RBM5: variants seen among roughly 807,000 people sequenced by gnomAD.
RBM5 encodes the protein RNA binding motif protein 5, also known as RNA-binding protein 5.
In RBM5, 15 loss-of-function variants were observed where a neutral mutation model predicts 124.6. The ratio of observed to expected loss-of-function variants is 0.12; its 90% CI spans 0.08 to 0.19. The LOEUF (loss-of-function observed/expected upper bound fraction) is 0.19. Ranked by LOEUF, RBM5 falls within the 10% of genes least tolerant of loss-of-function variation. The pLI is 1.00. For synonymous variants in RBM5, 337 were observed against 361.2 expected (o/e 0.93, Z 0.76); for missense variants, 580 against 1,026.5 (o/e 0.57, Z 5.94).
At chr3:50,106,286 G>A (rs558129858) in intron 10 of RBM5, among the ~76,000 whole-genome samples, 24 of 151,894 alleles carry the variant, frequency 1.6e-4, no homozygotes, top group South Asian at 1.0e-3. Flanking sequence ...GATTACAGGC[G>A]CTCACCACCA....
Position 50,100,424 on chromosome 3 carries a change from C to T in RBM5, c.410-108C>T, listed in dbSNP as rs1442361264. On this transcript the variant is annotated intron_variant, in intron 5 of 24. Transcript: ENST00000347869. The surrounding 1 kb of genome is among the most constrained non-coding windows in gnomAD (Gnocchi z 5.1). The stretch of plus-strand genomic sequence containing the variant: ...TCAAGTCACATTTGTAAAGCTGCTT[C>T]CCAATTGGCTTTGTCACGCAGTGTT... 1.1e-6 allele frequency: 1 copy of T among 907,902 alleles called. No homozygotes were observed. Among genetic ancestry groups the T allele is most frequent in the Non-Finnish European group, 1.7e-6 (1 of 577,166 alleles). The allele number at this position is 907,902 out of a possible 1,614,324, so 56.2% of individuals were successfully genotyped here. A position where few individuals can be genotyped will look rare whatever the true frequency, so the allele number is the denominator to read the frequency against.
chr3:50,096,649 G>A (rs559661405), intron 4 of RBM5, among the ~76,000 whole-genome samples: 2 of 133,812 alleles, frequency 1.5e-5, no homozygotes, highest in Non-Finnish European at 3.2e-5. Flanking sequence ...GAGTGCAATC[G>A]CGTGATTGTG....
In RBM5 at chr3:50,117,372, C is replaced by T. The variant is rs747382029; in HGVS notation, c.2315C>T (p.Pro772Leu). Residue 772 changes from proline to leucine, a missense_variant, in exon 24 of 25, where the codon CCC becomes CTC. Pro to Leu is a moderately conservative substitution (Grantham distance 98, BLOSUM62 -3). Around this residue, in one of 6 missense-constraint regions of RBM5, gnomAD observed 234 missense variants for 435.1 expected, o/e 0.54. Coordinates refer to ENST00000347869, the MANE Select transcript of RBM5 (RefSeq NM_005778.4). This position sits in a 1 kb window ranked among gnomAD's most constrained non-coding sequence, Gnocchi z 4.2. ...LGRKCQGITAPIEAQVRLKGA... is the reference protein window; with the variant it reads ...LGRKCQGITALIEAQVRLKGA... ...CGAAAGTGTCAAGGCATTACGGCTC[C>T]CATTGAGGTAAGCAGTGGGGTCAGG... is the stretch of plus-strand genomic sequence containing the variant. The T allele has an allele frequency of 6.2e-7, 1 of 1,613,960 alleles. No individual in the cohort carries two copies.
rs1292704951 is a variant in RBM5 at position 50,118,413 on chromosome 3, C to G, written c.2405C>G (p.Ala802Gly). ...GLSGADSYKDAVRKAMFARFT... is the reference protein window; with the variant it reads ...GLSGADSYKDGVRKAMFARFT... ...TCGGGCGCCGATTCCTACAAAGATG[C>G]TGTCCGGAAAGCCATGTTTGCCCGG... The change falls in exon 25 of 25, where the codon GCT (alanine) becomes GGT (glycine). Residue 802 changes from alanine to glycine, a missense_variant. Transcript: ENST00000347869. The G allele has an allele frequency of 6.2e-7, 1 of 1,614,112 alleles. No homozygotes were observed. Among genetic ancestry groups the G allele is most frequent in the Non-Finnish European group, 8.5e-7 (1 of 1,180,020 alleles).
In RBM5 at chr3:50,118,396, C is replaced by T. The variant is rs771261534; in HGVS notation, c.2388C>T (p.Ala796=). The change falls in exon 25 of 25, where the codon GCC becomes GCT. Residue 796 remains alanine (A), a synonymous_variant. Transcript: ENST00000347869. ...GCAGCGCATATGGTTTGTCGGGCGC[C>T]GATTCCTACAAAGATGCTGTCCGGA... The part of the protein sequence containing the change: ...AKGSAYGLSG[A]DSYKDAVRKA... 3.9e-5 allele frequency: 63 copies of T among 1,613,814 alleles called. 1 individual carries two copies. The highest frequency in any genetic ancestry group is 2.1e-4 in the African/African-American group (16 of 74,804).
chr3:50,100,123 T>C lies in RBM5; in HGVS notation c.409+72T>C. ...CCACCTCAGTCCCTAAAGAACATCCTGATTCCCCCAGTCTTCAAGCACATG... is the reference window on the plus strand; with the variant it reads ...CCACCTCAGTCCCTAAAGAACATCCCGATTCCCCCAGTCTTCAAGCACATG... On this transcript the variant is annotated intron_variant, in intron 5 of 24. Transcript: ENST00000347869. This position sits in a 1 kb window ranked among gnomAD's most constrained non-coding sequence, Gnocchi z 5.1. The C allele has an allele frequency of 8.1e-6, 11 of 1,353,088 alleles. No individual in the cohort carries two copies. Among genetic ancestry groups the C allele is most frequent in the Non-Finnish European group, 1.1e-5 (11 of 959,232 alleles). The allele number at this position is 1,353,088 out of a possible 1,614,324, so 83.8% of individuals were successfully genotyped here.
rs1236500397 is a variant in RBM5 at position 50,108,058 on chromosome 3, G to T, written c.1042-12G>T. 1.3e-6 allele frequency: 2 copies of T among 1,591,870 alleles called. No individual in the cohort carries two copies. The highest frequency in any genetic ancestry group is 1.7e-6 in the Non-Finnish European group (2 of 1,159,968). ...ACTAAGTTTGTCTTTGTCTCATTTT[G>T]ATGTTTTGTAGTCTCAAAGTGGTGA... On this transcript the variant is annotated splice_polypyrimidine_tract_variant and intron_variant, in intron 12 of 24. Transcript: ENST00000347869.
chr3:50,107,028 C>T (rs970248900), intron 11 of RBM5, 164 bp downstream of exon 11: 1 of 717,328 alleles, frequency 1.4e-6, no homozygotes, highest in Non-Finnish European at 2.5e-6. Flanking sequence ...TGATTATTCC[C>T]TACTGTCCTG....
Position 50,103,121 on chromosome 3 carries a change from T to C in RBM5, c.522T>C (p.His174=), listed in dbSNP as rs755446270. Residue 174 remains histidine, a synonymous_variant, in exon 7 of 25, where the codon CAT becomes CAC. Transcript: ENST00000347869. ...LVIQGKHIAM[H]YSNPRPKFED... Reference sequence around the variant, plus strand: ...TTCAAGGAAAGCACATTGCAATGCATTATAGCAATCCCAGACCTAAGTTTG... The same window carrying C: ...TTCAAGGAAAGCACATTGCAATGCACTATAGCAATCCCAGACCTAAGTTTG... 6.2e-7 allele frequency: 1 copy of C among 1,612,742 alleles called. No individual in the cohort carries two copies. The highest frequency in any genetic ancestry group is 8.5e-7 in the Non-Finnish European group (1 of 1,178,708).
chr3:50,092,233 C>A, intron 3 of RBM5, 25 bp downstream of exon 3: 1 of 1,605,548 alleles, frequency 6.2e-7, no homozygotes, highest in Non-Finnish European at 8.5e-7. Flanking sequence ...GCTGTATAAC[C>A]CCCCAAAACA....
rs773874578 is a variant in RBM5, at chr3:50,091,967, G to A, written c.18-76G>A. 113 of 1,445,218 alleles carry A rather than the reference G, an allele frequency of 7.8e-5. 1 individual carries two copies. The highest frequency in any genetic ancestry group is 9.9e-5 in the Non-Finnish European group (102 of 1,028,590). The allele number at this position is 1,445,218 out of a possible 1,614,324, so 89.5% of individuals were successfully genotyped here. A position where few individuals can be genotyped will look rare whatever the true frequency, so the allele number is the denominator to read the frequency against. ...TATCTTATAAACTGATCTGTGGGCC[G>A]TGTGTATTTTTAACTATGTCTTTTA... On this transcript the variant is annotated intron_variant, in intron 2 of 24. Coordinates refer to ENST00000347869, the MANE Select transcript of RBM5 (RefSeq NM_005778.4).
chr3:50,091,953 C>G, intron 2 of RBM5, 90 bp from the exon 3 acceptor site: 1 of 1,373,984 alleles, frequency 7.3e-7, no homozygotes, highest in Non-Finnish European at 1.0e-6. Context: ...ATCTTATAAA[C>G]TGATCTGTGG....
chr3:50,091,769 A>G (rs796846411), intron 2 of RBM5, among the ~76,000 whole-genome samples: 2 of 152,240 alleles, frequency 1.3e-5, no homozygotes, highest in Non-Finnish European at 2.9e-5. Flanking sequence ...ATGCAAAAAT[A>G]AACTTGGACA....
At chr3:50,089,397 C>T (rs1332626405) in intron 1 of RBM5, among the ~76,000 whole-genome samples, 1 of 152,250 alleles carries the variant, frequency 6.6e-6, no homozygotes. Context: ...CTGAATCGCC[C>T]TCTCCGAAAA....
Position 50,118,418 on chromosome 3 carries a change from C to T in RBM5, c.2410C>T (p.Arg804Trp). 4 of 1,613,952 alleles carry T rather than the reference C, an allele frequency of 2.5e-6. No individual in the cohort carries two copies. The highest frequency in any genetic ancestry group is 2.5e-6 in the Non-Finnish European group (3 of 1,180,008). ...CGCCGATTCCTACAAAGATGCTGTCCGGAAAGCCATGTTTGCCCGGTTCAC... is the reference window on the plus strand; with the variant it reads ...CGCCGATTCCTACAAAGATGCTGTCTGGAAAGCCATGTTTGCCCGGTTCAC... Reference protein sequence around the residue: ...SGADSYKDAVRKAMFARFTEM... With the variant: ...SGADSYKDAVWKAMFARFTEM... Residue 804 changes from arginine (R) to tryptophan (W), a missense_variant, in exon 25 of 25, where the codon CGG (arginine) becomes TGG (tryptophan). Arg to Trp is a moderately radical substitution (Grantham distance 101). Transcript: ENST00000347869.
chr3:50,090,550 G>T, intron 2 of RBM5, 99 bp downstream of exon 2: 2 of 1,375,346 alleles, frequency 1.5e-6, no homozygotes, highest in Non-Finnish European at 2.0e-6. Context: ...AGTGTTTTGC[G>T]CCAGGCATTG....
chr3:50,113,622 G>T, intron 18 of RBM5, 78 bp downstream of exon 18: 1 of 1,414,788 alleles, frequency 7.1e-7, no homozygotes, highest in South Asian at 1.5e-5. Context: ...ATTTATGTCA[G>T]TATTATTTGG....
In RBM5 at chr3:50,116,609, C is replaced by T. The variant is rs1575340810; in HGVS notation, c.2095-465C>T. On this transcript the variant is annotated intron_variant, in intron 22 of 24. Coordinates refer to ENST00000347869, the MANE Select transcript of RBM5 (RefSeq NM_005778.4). ...AGTTAAGGCTTTTGCTTTTCTTCTC[C>T]CCACACCCTTCCTGCCCTACTATCT... The T allele has an allele frequency of 5.7e-5, 11 of 192,968 alleles. No individual in the cohort carries two copies. The South Asian group carries it at 1.0e-3, about 18-fold the overall frequency. 12.0% of individuals were successfully genotyped at this position (192,968 alleles called of 1,614,324 possible). A position where few individuals can be genotyped will look rare whatever the true frequency, so the allele number is the denominator to read the frequency against.
Position 50,114,323 on chromosome 3 carries a change from C to T in RBM5, c.1839+72C>T, listed in dbSNP as rs1478614409. 12 of 1,435,254 alleles carry T rather than the reference C, an allele frequency of 8.4e-6. No homozygotes were observed. The East Asian group carries it at 2.5e-4, about 30-fold the overall frequency. 88.9% of individuals were successfully genotyped at this position (1,435,254 alleles called of 1,614,324 possible). On this transcript the variant is annotated intron_variant, in intron 20 of 24. Coordinates refer to ENST00000347869, the MANE Select transcript of RBM5 (RefSeq NM_005778.4). ...GTCTCACTTTAAGGCTCAACTGCAT[C>T]TTGGCTAATGTGATTCCTACTTAAA... is the stretch of plus-strand genomic sequence containing the variant.
Sources: gnomAD v4.1 joint callset for allele counts (sites outside exome capture counted in the v4.1 genomes callset) on GRCh38, gnomAD v4.1.1 for gene constraint, gnomAD v4.1.1 regional missense constraint, Gnocchi (gnomAD v3.1) non-coding constraint, MANE v1.5 for transcripts, NCBI Gene and HGNC (gene_info 2026-07-23, HGNC 2026-07-21) for gene names.